DIAPH2: variants seen among roughly 807,000 people sequenced by gnomAD.
DIAPH2 encodes diaphanous related formin 2.
Under a neutral mutation model 92.7 loss-of-function variants are expected in DIAPH2, and 35 were observed. The ratio of observed to expected loss-of-function variants is 0.38; its 90% confidence interval spans 0.29 to 0.50. DIAPH2 has a LOEUF of 0.50. Ranked by LOEUF, DIAPH2 falls within the 20% of genes least tolerant of loss-of-function variation. The probability of loss-of-function intolerance (pLI) is 0.94; values close to 1 mark genes in which losing one functional copy is unlikely to be tolerated. For synonymous variants in DIAPH2, 301 were observed against 280.4 expected, an observed-to-expected ratio of 1.07 and a Z score of -0.73; for missense variants, 701 against 819.5, an observed-to-expected ratio of 0.86 and a Z score of 1.77.
intron 22 of DIAPH2, among the ~76,000 whole-genome samples, chrX:97,181,503 C>T (rs770803127): frequency 1.5e-4 from 17 of 111,915 alleles, no homozygotes; most frequent in Non-Finnish European, 3.2e-4. Context: ...CCTCCGTCTC[C>T]CAGGTTCAAG....
intron 22 of DIAPH2, among the ~76,000 whole-genome samples, chrX:97,229,211 G>C (rs992883451): frequency 1.8e-5 from 2 of 112,238 alleles, no homozygotes; most frequent in Non-Finnish European, 3.8e-5. Context: ...ATATTCATTA[G>C]TTTCTAATTG....
At chrX:96,759,279 A>G (rs1288937190) in intron 4 of DIAPH2, among the ~76,000 whole-genome samples, 1 of 111,720 alleles carries the variant, frequency 9.0e-6, no homozygotes, top group African/African-American at 3.2e-5. Context: ...TTACTAATGC[A>G]TTTTGCCATG....
At chrX:97,310,988 G>A (rs1161428813) in intron 23 of DIAPH2, among the ~76,000 whole-genome samples, 7 of 111,173 alleles carry the variant, frequency 6.3e-5, no homozygotes, top group African/African-American at 2.3e-4. Flanking sequence ...CAGCCTGGGC[G>A]ACAGAGCGAG....
chrX:97,149,920 C>T (rs1321423587), intron 22 of DIAPH2, among the ~76,000 whole-genome samples: 2 of 110,280 alleles, frequency 1.8e-5, no homozygotes, highest in East Asian at 5.7e-4. Flanking sequence ...TCCTCACTCT[C>T]ACCAAGTCAG....
chrX:97,125,104 A>G (rs1181346579), intron 21 of DIAPH2, among the ~76,000 whole-genome samples: 1 of 111,524 alleles, frequency 9.0e-6, no homozygotes. Context: ...TGATTTTCAC[A>G]ATTGGATAAT....
Position 97,600,616 on chromosome X carries a change from T to G in DIAPH2, c.*1299T>G. 8.9e-6 allele frequency: 1 copy of G among 112,797 alleles called. No homozygotes were observed. Among genetic ancestry groups the G allele is most frequent in the Admixed American group, 9.4e-5 (1 of 10,617 alleles). 9.3% of individuals were successfully genotyped at this position (112,797 alleles called of 1,213,427 possible). Reference sequence around the variant, plus strand: ...AAAAGTTATACTTAACTTGTCTGTCTATTATTTTAAAATATGCATTGAAAT... The same window carrying G: ...AAAAGTTATACTTAACTTGTCTGTCGATTATTTTAAAATATGCATTGAAAT... On this transcript the variant is annotated 3_prime_UTR_variant, in exon 27 of 27. Transcript: ENST00000324765.
intron 17 of DIAPH2, among the ~76,000 whole-genome samples, chrX:96,984,417 T>G (rs1444307480): frequency 5.4e-5 from 6 of 110,806 alleles, no homozygotes; most frequent in South Asian, 3.9e-4. Flanking sequence ...AAGTTTCCTC[T>G]GGGCCATATG....
chrX:97,453,630 ACT>A (rs2070377123), intron 26 of DIAPH2, among the ~76,000 whole-genome samples: 1 of 111,756 alleles, frequency 8.9e-6, no homozygotes, highest in South Asian at 3.7e-4. Flanking sequence ...AATAAATTAA[ACT>A]GTTAGGTTGA....
chrX:97,437,761 T>TACACACACACACACACACAC (rs58161143), intron 26 of DIAPH2, among the ~76,000 whole-genome samples: 10 of 95,731 alleles, frequency 1.0e-4, no homozygotes, highest in African/African-American at 3.4e-4. Flanking sequence ...TACATGATTT[T>TACACACACACACACACACAC]ACACACACAC....
chrX:96,967,755 C>T lies in DIAPH2; in HGVS notation c.2050+2548C>T, dbSNP rs183936274. ...TTTTTAATTACGGCTGCATAGTATTCCATGGTGTATATGTACCACATTTTC... is the reference window on the plus strand; with the variant it reads ...TTTTTAATTACGGCTGCATAGTATTTCATGGTGTATATGTACCACATTTTC... On this transcript the variant is annotated intron_variant, in intron 17 of 26. Coordinates refer to ENST00000324765, the MANE Select transcript of DIAPH2 (RefSeq NM_006729.5). Among the ~76,000 whole-genome samples the T allele has an allele frequency of 3.8e-3, 420 of 110,838 alleles. 1 individual carries two copies. Among genetic ancestry groups the T allele is most frequent in the African/African-American group, 0.013 (396 of 30,488 alleles).
intron 3 of DIAPH2, among the ~76,000 whole-genome samples, chrX:96,757,320 G>GTATATA (rs1489670040): frequency 2.7e-5 from 3 of 111,291 alleles, no homozygotes; most frequent in Non-Finnish European, 5.7e-5. Flanking sequence ...GTATATCTGG[G>GTATATA]TACACATCTA....
intron 26 of DIAPH2, among the ~76,000 whole-genome samples, chrX:97,578,313 C>G (rs1223427859): frequency 1.9e-5 from 2 of 107,854 alleles, no homozygotes; most frequent in African/African-American, 6.8e-5. Flanking sequence ...AATGCTATCC[C>G]TCCCCGCTCC....
intron 26 of DIAPH2, among the ~76,000 whole-genome samples, chrX:97,448,795 TA>T (rs978891873): frequency 2.7e-4 from 30 of 112,020 alleles, no homozygotes; most frequent in African/African-American, 8.7e-4. Flanking sequence ...GGCAAGCTGA[TA>T]ATTTGAAAAT....
At chrX:97,078,476 G>A (rs183021320) in intron 19 of DIAPH2, among the ~76,000 whole-genome samples, 1 of 111,075 alleles carries the variant, frequency 9.0e-6, no homozygotes, top group African/African-American at 3.3e-5. Context: ...ACAGACCAAA[G>A]TAGTATTAAC....
chrX:97,268,820 G>A (rs1449043628), intron 23 of DIAPH2, among the ~76,000 whole-genome samples: 1 of 103,418 alleles, frequency 9.7e-6, no homozygotes, highest in Non-Finnish European at 2.0e-5. Context: ...CAGCGTTCTT[G>A]TATTCAGGCA....
chrX:97,413,970 A>G (rs996924091), intron 25 of DIAPH2, among the ~76,000 whole-genome samples: 2 of 112,182 alleles, frequency 1.8e-5, no homozygotes, highest in African/African-American at 6.5e-5. Flanking sequence ...GAAAATGGCC[A>G]TACTGCCCAA....
At position 97,185,470 on chromosome X, in the gene DIAPH2, TACAC is replaced by T. The variant is rs1306847022; in HGVS notation, c.2719+43678_2719+43681del. On this transcript the variant is annotated intron_variant, in intron 22 of 26. Coordinates refer to ENST00000324765, the MANE Select transcript of DIAPH2 (RefSeq NM_006729.5). ...ATATGTGTGTGTATATATATATATATACACATATATATATATATATATATATATA... is the reference window on the plus strand; with the variant it reads ...ATATGTGTGTGTATATATATATATATATATATATATATATATATATATATA... Among the ~76,000 whole-genome samples, 132 of 24,705 alleles carry T rather than the reference TACAC, an allele frequency of 5.3e-3. 4 individuals carry two copies. Among genetic ancestry groups the T allele is most frequent in the Middle Eastern group, 0.027 (1 of 37 alleles). The allele number at this position is 24,705 out of a possible 115,157, so 21.5% of individuals were successfully genotyped here.
At chrX:96,820,267 C>T (rs764572169) in intron 4 of DIAPH2, among the ~76,000 whole-genome samples, 135 of 112,038 alleles carry the variant, frequency 1.2e-3, no homozygotes, top group African/African-American at 4.1e-3. Context: ...GCCAGGAGTT[C>T]GAGACCAGCC....
chrX:97,523,146 G>A (rs1177567865), intron 26 of DIAPH2, among the ~76,000 whole-genome samples: 1 of 111,506 alleles, frequency 9.0e-6, no homozygotes, highest in African/African-American at 3.3e-5. Context: ...CGAGACTTTT[G>A]TTCTTATTGC....
Sources: gnomAD v4.1 joint callset for allele counts (sites outside exome capture counted in the v4.1 genomes callset) on GRCh38, gnomAD v4.1.1 for gene constraint, MANE v1.5 for transcripts, NCBI Gene and HGNC (gene_info 2026-07-23, HGNC 2026-07-21) for gene names.